Variants in CDH12 observed in about 807,000 individuals in gnomAD.
CDH12 encodes the protein cadherin 12, also known as cadherin-12.
A neutral mutation model predicts 74.1 loss-of-function variants in CDH12; 41 were observed. The ratio of observed to expected loss-of-function variants is 0.55; its 90% CI spans 0.43 to 0.72. CDH12 has a LOEUF of 0.72. Ranked by LOEUF, CDH12 falls within the 30% of genes least tolerant of loss-of-function variation. CDH12 has a pLI of 0.00. For missense variants in CDH12, 945 were observed against 977.2 expected (o/e 0.97, Z 0.44); for synonymous variants, 399 against 355.0 (o/e 1.12, Z -1.39).
intron 2 of CDH12, among the ~76,000 whole-genome samples, chr5:22,429,298 C>A (rs998408): frequency 0.79 from 119,107 of 151,608 alleles, 46,948 homozygotes; most frequent in Admixed American, 0.87. Context: ...CTTCTGGCTA[C>A]TTTTGTTTTT....
rs1036260569 is a variant in CDH12 at position 22,401,012 on chromosome 5, T to C, written c.-333+4245A>G. 2.4e-4 allele frequency among the ~76,000 whole-genome samples: 36 copies of C among 152,210 alleles called. 1 individual carries two copies. Among genetic ancestry groups the C allele is most frequent in the Non-Finnish European group, 1.8e-4 (12 of 68,036 alleles). Reference sequence around the variant, plus strand: ...TGTACTCAACTTCTATACATTTGAATATTTCCATATAATAAATAAAGTTGT... The same window carrying C: ...TGTACTCAACTTCTATACATTTGAACATTTCCATATAATAAATAAAGTTGT... On this transcript the variant is annotated intron_variant, in intron 3 of 14. Transcript: ENST00000382254.
intron 1 of CDH12, among the ~76,000 whole-genome samples, chr5:22,691,786 T>C (rs1280682552): frequency 6.6e-6 from 1 of 152,156 alleles, no homozygotes; most frequent in Non-Finnish European, 1.5e-5. Flanking sequence ...GTCACCCTTT[T>C]CTTAAAATCT....
intron 3 of CDH12, among the ~76,000 whole-genome samples, chr5:22,399,067 T>C (rs1354809372): frequency 6.6e-6 from 1 of 152,230 alleles, no homozygotes; most frequent in South Asian, 2.1e-4. Flanking sequence ...TAATCTCTGG[T>C]GTTTCTGCTA....
At chr5:22,298,406 T>A (rs2150417961) in intron 3 of CDH12, among the ~76,000 whole-genome samples, 1 of 152,210 alleles carries the variant, frequency 6.6e-6, no homozygotes, top group Non-Finnish European at 1.5e-5. Context: ...TACATGTTTC[T>A]ATGTATATAT....
intron 3 of CDH12, among the ~76,000 whole-genome samples, chr5:22,316,452 T>G (rs188414658): frequency 1.1e-3 from 166 of 152,292 alleles, no homozygotes; most frequent in Middle Eastern, 6.8e-3. Flanking sequence ...ATGCCAATAT[T>G]ATTTTATTTT....
At chr5:21,898,948 C>T (rs190626906) in intron 6 of CDH12, among the ~76,000 whole-genome samples, 4 of 152,030 alleles carry the variant, frequency 2.6e-5, no homozygotes, top group South Asian at 2.1e-4. Flanking sequence ...CTTCATGGCC[C>T]GAAACTCTGT....
chr5:22,782,111 C>G lies in CDH12; in HGVS notation c.-523+70947G>C, dbSNP rs1043948515. ...AGGCTCATAGGCAGAAGGGACTCAC[C>G]TTGTCTCAAATGAGACTTTGGACTT... On this transcript the variant is annotated intron_variant, in intron 1 of 14. Transcript: ENST00000382254. 3.9e-5 allele frequency among the ~76,000 whole-genome samples: 6 copies of G among 152,242 alleles called. No homozygotes were observed. The East Asian group carries it at 1.2e-3, about 29-fold the overall frequency.
At chr5:21,883,784 A>C in intron 6 of CDH12, 1 of 1,574,852 alleles carries the variant, frequency 6.3e-7, no homozygotes, top group Non-Finnish European at 8.7e-7. Flanking sequence ...CAAAACTTTC[A>C]GATGGAGTAG....
intron 1 of CDH12, among the ~76,000 whole-genome samples, chr5:22,823,293 T>C (rs916550094): frequency 6.6e-6 from 1 of 150,706 alleles, no homozygotes; most frequent in African/African-American, 2.4e-5. Flanking sequence ...AAATGACGAG[T>C]TAATGGGTGC....
chr5:22,270,606 T>C (rs74737881), intron 3 of CDH12, among the ~76,000 whole-genome samples: 2 of 128,952 alleles, frequency 1.6e-5, no homozygotes, highest in Non-Finnish European at 3.3e-5. Flanking sequence ...AAAAAAAAAA[T>C]ATATATATAT....
Position 21,802,357 on chromosome 5 carries a change from C to A in CDH12, c.1066G>T (p.Asp356Tyr). The change falls in exon 10 of 15, where the codon GAC becomes TAC. Residue 356 changes from aspartate to tyrosine, a missense_variant. Asp to Tyr is a radical substitution (Grantham distance 160). This residue lies in a region of CDH12 where 791 missense variants were observed against 792.8 expected (regional missense o/e 1.00). Coordinates refer to ENST00000382254, the MANE Select transcript of CDH12 (RefSeq NM_004061.5). ...GGGCCCGCCGAGTGAAACCGGTGGTCAAGGTGAAGGTTGGAAGCCTCAACT... is the reference window on the plus strand; with the variant it reads ...GGGCCCGCCGAGTGAAACCGGTGGTAAAGGTGAAGGTTGGAAGCCTCAACT... ...FKVEASNLHL[D>Y]HRFHSAGPFK... 1 of 1,613,716 alleles carries A rather than the reference C, an allele frequency of 6.2e-7. No homozygotes were observed. The highest frequency in any genetic ancestry group is 8.5e-7 in the Non-Finnish European group (1 of 1,179,928).
intron 2 of CDH12, among the ~76,000 whole-genome samples, chr5:22,497,504 A>G (rs773796723): frequency 2.0e-5 from 3 of 152,188 alleles, no homozygotes; most frequent in South Asian, 2.1e-4. Flanking sequence ...GTACTTGCCT[A>G]AAAAGGAGCT....
In CDH12 at chr5:22,166,168, T is replaced by A. The variant is rs542798493; in HGVS notation, c.-187+46330A>T. ...TAACACTTATCAATTATCACTTTTTTTAAAAAAATACATAATGGCTAGTTC... is the reference window on the plus strand; with the variant it reads ...TAACACTTATCAATTATCACTTTTTATAAAAAAATACATAATGGCTAGTTC... On this transcript the variant is annotated intron_variant, in intron 4 of 14. Transcript: ENST00000382254. Among the ~76,000 whole-genome samples the A allele has an allele frequency of 1.8e-4, 28 of 151,994 alleles. 1 individual carries two copies. The highest frequency in any genetic ancestry group is 4.2e-4 in the South Asian group (2 of 4,804).
At chr5:22,036,000 A>G (rs1272796846) in intron 5 of CDH12, among the ~76,000 whole-genome samples, 1 of 152,134 alleles carries the variant, frequency 6.6e-6, no homozygotes, top group African/African-American at 2.4e-5. Context: ...TAAACTAGAA[A>G]CAACTCCCTA....
intron 6 of CDH12, chr5:21,882,511 A>G (rs1752405604): frequency 2.5e-6 from 2 of 800,170 alleles, no homozygotes; most frequent in African/African-American, 1.7e-5. Context: ...TAAAAGTGAT[A>G]TATTAGCACT....
intron 1 of CDH12, among the ~76,000 whole-genome samples, chr5:22,568,372 T>C (rs1267001846): frequency 6.6e-6 from 1 of 152,190 alleles, no homozygotes; most frequent in East Asian, 1.9e-4. Flanking sequence ...AGAAAAAGAA[T>C]GAGGATAGAA....
At chr5:22,124,882 G>A (rs150327650) in intron 4 of CDH12, among the ~76,000 whole-genome samples, 92 of 152,290 alleles carry the variant, frequency 6.0e-4, no homozygotes, top group African/African-American at 2.2e-3. Context: ...ATGCAGCCCT[G>A]TGATGCCACC....
At chr5:22,698,735 A>T (rs373907094) in intron 1 of CDH12, among the ~76,000 whole-genome samples, 20 of 14,502 alleles carry the variant, frequency 1.4e-3, no homozygotes, top group South Asian at 3.1e-3. Context: ...ATATATATAT[A>T]GTGTGTGTGT....
At chr5:22,068,951 T>C (rs2150214282) in intron 5 of CDH12, among the ~76,000 whole-genome samples, 1 of 152,244 alleles carries the variant, frequency 6.6e-6, no homozygotes, top group South Asian at 2.1e-4. Context: ...AAATCCCCAA[T>C]ATGGCACCAT....
Sources: allele counts gnomAD v4.1 joint callset (sites outside exome capture counted in the v4.1 genomes callset), GRCh38; gene constraint gnomAD v4.1.1; regional missense constraint gnomAD v4.1.1; transcripts MANE v1.5; gene names NCBI Gene and HGNC (gene_info 2026-07-23, HGNC 2026-07-21).